Variants in HELLS observed in about 807,000 individuals in gnomAD.
HELLS encodes helicase, lymphoid specific, also known as lymphoid-specific helicase.
HELLS carries 32 observed loss-of-function variants against 120.0 expected under a neutral mutation model. That is an observed-to-expected ratio of 0.27 (90% CI 0.20 to 0.36). HELLS has a LOEUF of 0.36. Among genes scored for constraint, HELLS ranks in the 10% least tolerant of loss-of-function variants. The pLI, the probability that HELLS is intolerant of heterozygous loss-of-function variation, is 1.00. For synonymous variants in HELLS, 341 were observed against 323.4 expected (o/e 1.05, Z -0.58); for missense variants, 650 against 993.4 (o/e 0.65, Z 4.65).
At position 94,593,629 on chromosome 10, in the gene HELLS, A is replaced by C. The variant is rs963960297; in HGVS notation, c.2088+14A>C. ...GATAGTGATTGGGTAAGTTGGAAGT[A>C]TAGCAAGGAATATGCTGATTATATT... On this transcript the variant is annotated intron_variant, in intron 18 of 21. Transcript: ENST00000348459. 2 of 1,376,806 alleles carry C rather than the reference A, an allele frequency of 1.5e-6. No individual in the cohort carries two copies. The allele number at this position is 1,376,806 out of a possible 1,614,324, so 85.3% of individuals were successfully genotyped here. A position where few individuals can be genotyped will look rare whatever the true frequency, so the allele number is the denominator to read the frequency against.
chr10:94,549,230 A>C (rs1488774754), intron 2 of HELLS, among the ~76,000 whole-genome samples: 1 of 152,164 alleles, frequency 6.6e-6, no homozygotes, highest in African/African-American at 2.4e-5. Flanking sequence ...TTGGAGGCCA[A>C]ACAATTAACT....
At chr10:94,584,153 G>A in intron 12 of HELLS, 1 of 1,034,476 alleles carries the variant, frequency 9.7e-7, no homozygotes, top group Non-Finnish European at 1.3e-6. Flanking sequence ...GTGTTGCAGA[G>A]ATTAAAAAGG....
intron 2 of HELLS, chr10:94,551,016 G>A (rs779008267): frequency 2.0e-5 from 3 of 152,176 alleles, no homozygotes; most frequent in African/African-American, 2.4e-5. Context: ...CATATATTGT[G>A]TAAGTAATTT....
chr10:94,555,947 A>T (rs1490709025), intron 3 of HELLS, among the ~76,000 whole-genome samples: 1 of 152,146 alleles, frequency 6.6e-6, no homozygotes, highest in Non-Finnish European at 1.5e-5. Flanking sequence ...TTTATAATAA[A>T]CCAATAAACT....
intron 2 of HELLS, among the ~76,000 whole-genome samples, chr10:94,553,195 C>T (rs1342720639): frequency 2.6e-5 from 4 of 151,800 alleles, no homozygotes; most frequent in Admixed American, 1.3e-4. Context: ...CTGTACATAA[C>T]AAGGTAATAT....
chr10:94,562,407 AAAAC>A (rs1400940919), intron 4 of HELLS, among the ~76,000 whole-genome samples: 3 of 152,168 alleles, frequency 2.0e-5, no homozygotes. Flanking sequence ...CCGTCTCCAA[AAAAC>A]AAACAAACGA....
chr10:94,563,393 C>T (rs1265447065), intron 6 of HELLS, among the ~76,000 whole-genome samples: 5 of 152,210 alleles, frequency 3.3e-5, no homozygotes, highest in Non-Finnish European at 1.5e-5. Flanking sequence ...TTGCGCCCAT[C>T]CTCACTTAAG....
At chr10:94,568,807 T>C (rs943019111) in intron 6 of HELLS, among the ~76,000 whole-genome samples, 1 of 152,036 alleles carries the variant, frequency 6.6e-6, no homozygotes, top group East Asian at 1.9e-4. Flanking sequence ...AAATTACAAA[T>C]GTTTAGAGGA....
chr10:94,552,783 G>C (rs1020963805), intron 2 of HELLS, among the ~76,000 whole-genome samples: 2 of 150,652 alleles, frequency 1.3e-5, no homozygotes, highest in African/African-American at 4.9e-5. Flanking sequence ...ACCTGCCTTA[G>C]CAATATGGTG....
chr10:94,578,434 C>T (rs1407141137), intron 10 of HELLS, among the ~76,000 whole-genome samples: 1 of 152,030 alleles, frequency 6.6e-6, no homozygotes, highest in Non-Finnish European at 1.5e-5. Context: ...TAGTGGCTCA[C>T]CCCTGTAATC....
intron 6 of HELLS, among the ~76,000 whole-genome samples, chr10:94,564,150 A>G (rs941795615): frequency 6.6e-6 from 1 of 152,178 alleles, no homozygotes; most frequent in Non-Finnish European, 1.5e-5. Context: ...GATAACAGTA[A>G]TAGCTTTGAC....
At chr10:94,549,336 C>T (rs1222794744) in intron 2 of HELLS, among the ~76,000 whole-genome samples, 1 of 152,172 alleles carries the variant, frequency 6.6e-6, no homozygotes, top group Non-Finnish European at 1.5e-5. Flanking sequence ...GCTTAAGTTC[C>T]TTAATGAGAA....
At chr10:94,557,051 G>A (rs59962294) in intron 3 of HELLS, 3,469 of 201,282 alleles carry the variant, frequency 0.017, 125 homozygotes, top group African/African-American at 0.074. Flanking sequence ...TTCTAGATGA[G>A]ACCTGCCCTC....
Position 94,573,949 on chromosome 10 carries a change from T to C in HELLS, c.478-11T>C, listed in dbSNP as rs373407959. 1 of 1,541,336 alleles carries C rather than the reference T, an allele frequency of 6.5e-7. No individual in the cohort carries two copies. The highest frequency in any genetic ancestry group is 8.9e-7 in the Non-Finnish European group (1 of 1,123,456). ...GTATAACACATCTTATTAAACTTTT[T>C]TTCTCTACAGGATGAAAACTCCTCC... On this transcript the variant is annotated splice_polypyrimidine_tract_variant and intron_variant, in intron 7 of 21. Coordinates refer to ENST00000348459, the MANE Select transcript of HELLS (RefSeq NM_018063.5).
At position 94,584,442 on chromosome 10, in the gene HELLS, A is replaced by G. The variant is rs117574153; in HGVS notation, c.1326+1383A>G. 1.6e-3 allele frequency among the ~76,000 whole-genome samples: 236 copies of G among 152,186 alleles called. 1 individual carries two copies. The highest frequency in any genetic ancestry group is 2.8e-3 in the Non-Finnish European group (187 of 67,950). ...CAATGACAGAAATTTCAATGCACCA[A>G]TAGTTATAGAAGCTTTTAAATGTCC... is the stretch of plus-strand genomic sequence containing the variant. On this transcript the variant is annotated intron_variant, in intron 12 of 21. Transcript: ENST00000348459.
chr10:94,608,956 A>G (rs571968642), intron 9 of HELLS, among the ~76,000 whole-genome samples: 2 of 150,880 alleles, frequency 1.3e-5, no homozygotes, highest in African/African-American at 4.9e-5. Flanking sequence ...TTTCAGTACA[A>G]TATAAACATC....
chr10:94,559,252 G>A (rs926526292), intron 4 of HELLS, among the ~76,000 whole-genome samples: 14 of 151,710 alleles, frequency 9.2e-5, no homozygotes, highest in African/African-American at 2.2e-4. Context: ...TAACTTTTGC[G>A]TTTTTTTGTG....
At chr10:94,558,082 T>G in intron 3 of HELLS, 57 bp from the exon 4 acceptor site, 2 of 1,385,966 alleles carry the variant, frequency 1.4e-6, no homozygotes, top group Non-Finnish European at 1.9e-6. Context: ...TTGATATGCG[T>G]TTTTTTTTTA....
chr10:94,582,985 A>T lies in HELLS; in HGVS notation c.1252A>T (p.Thr418Ser), dbSNP rs1407812300. The T allele has an allele frequency of 6.2e-7, 1 of 1,603,234 alleles. No homozygotes were observed. Among genetic ancestry groups the T allele is most frequent in the South Asian group, 1.1e-5 (1 of 89,308 alleles). ...CAGCTTTGAGTCTTGGTTTGACATC[A>T]CTAGTCTTTCTGAAACTGCTGAAGA... ...LKSFESWFDI[T>S]SLSETAEDII... Residue 418 changes from threonine to serine, a missense_variant, in exon 12 of 22, where the codon ACT becomes TCT. Physicochemically the swap from Thr to Ser is moderately conservative, Grantham distance 58 (BLOSUM62 1). Around this residue, in one of 9 missense-constraint regions of HELLS, gnomAD observed 48 missense variants for 127.0 expected, o/e 0.38. Coordinates refer to ENST00000348459, the MANE Select transcript of HELLS (RefSeq NM_018063.5).
Sources: gnomAD v4.1 joint callset for allele counts (sites outside exome capture counted in the v4.1 genomes callset) on GRCh38, gnomAD v4.1.1 for gene constraint, gnomAD v4.1.1 regional missense constraint, MANE v1.5 for transcripts, NCBI Gene and HGNC (gene_info 2026-07-23, HGNC 2026-07-21) for gene names.